VEPH1: variants seen among roughly 807,000 people sequenced by gnomAD.
The protein encoded by VEPH1 is ventricular zone expressed PH domain containing 1.
VEPH1 carries 80 observed loss-of-function variants against 85.2 expected under a neutral mutation model. The observed-to-expected ratio is 0.94, with a 90% CI of 0.78 to 1.13. The LOEUF is 1.13. Among genes scored for constraint, VEPH1 ranks in the 50% most tolerant of loss-of-function variants. The probability of loss-of-function intolerance (pLI) is 0.00; values close to 1 mark genes in which losing one functional copy is unlikely to be tolerated. For synonymous variants in VEPH1, 297 were observed against 348.0 expected, an observed-to-expected ratio of 0.85 and a Z score of 1.63; for missense variants, 955 against 980.5, an observed-to-expected ratio of 0.97 and a Z score of 0.35.
intron 2 of VEPH1, chr3:157,488,985 C>T: frequency 3.7e-6 from 1 of 268,146 alleles, no homozygotes; most frequent in Non-Finnish European, 8.0e-6. Context: ...CTCTTCATCA[C>T]ATGCACATAC....
intron 11 of VEPH1, among the ~76,000 whole-genome samples, chr3:157,308,877 T>C (rs1462597280): frequency 6.6e-6 from 1 of 152,158 alleles, no homozygotes; most frequent in Non-Finnish European, 1.5e-5. Context: ...GTCTATCTCA[T>C]AGTGTTGTCA....
chr3:157,457,044 T>C (rs1217298989), intron 4 of VEPH1, among the ~76,000 whole-genome samples: 1 of 152,210 alleles, frequency 6.6e-6, no homozygotes, highest in Non-Finnish European at 1.5e-5. Context: ...CATCTCTGAC[T>C]TCTTTGAGGA....
chr3:157,404,898 G>A (rs192603752), intron 6 of VEPH1, among the ~76,000 whole-genome samples: 2 of 152,290 alleles, frequency 1.3e-5, no homozygotes, highest in East Asian at 1.9e-4. Context: ...CAACTGCTTC[G>A]TCCTCTTCAA....
chr3:157,464,135 T>TC (rs1250022421), intron 3 of VEPH1, among the ~76,000 whole-genome samples: 41 of 152,192 alleles, frequency 2.7e-4, no homozygotes, highest in Non-Finnish European at 2.9e-5. Context: ...CTGTCCCTGC[T>TC]CCCTTGACTT....
At chr3:157,357,113 T>A (rs981041976) in intron 9 of VEPH1, among the ~76,000 whole-genome samples, 5 of 152,204 alleles carry the variant, frequency 3.3e-5, no homozygotes, top group African/African-American at 1.2e-4. Flanking sequence ...CCACATCTCC[T>A]CATTTTTCTT....
At chr3:157,365,913 T>C (rs1726631681) in intron 7 of VEPH1, among the ~76,000 whole-genome samples, 3 of 152,310 alleles carry the variant, frequency 2.0e-5, no homozygotes, top group Admixed American at 2.0e-4. Context: ...GATTAAATGA[T>C]TACCATTGGC....
At chr3:157,439,773 C>T (rs981243926) in intron 4 of VEPH1, among the ~76,000 whole-genome samples, 3 of 152,094 alleles carry the variant, frequency 2.0e-5, no homozygotes, top group Non-Finnish European at 2.9e-5. Context: ...TTCTTTGAGA[C>T]GGAATCTCGC....
intron 11 of VEPH1, among the ~76,000 whole-genome samples, chr3:157,302,866 G>T (rs1276206737): frequency 6.6e-6 from 1 of 152,136 alleles, no homozygotes; most frequent in African/African-American, 2.4e-5. Flanking sequence ...CTGTGAAAGG[G>T]GAGTGTGCTC....
intron 9 of VEPH1, among the ~76,000 whole-genome samples, chr3:157,329,769 A>G (rs532780729): frequency 6.6e-6 from 1 of 152,226 alleles, no homozygotes; most frequent in Non-Finnish European, 1.5e-5. Flanking sequence ...AGCTGGTTAT[A>G]TATTTTGTCC....
Position 157,376,122 on chromosome 3 carries a change from T to C in VEPH1, c.1127+5034A>G, listed in dbSNP as rs541670620. The stretch of plus-strand genomic sequence containing the variant: ...TCTGCTTTTTGCCATCATCATCCTC[T>C]CTCCCTATCTTTTCTCATTTGTCAT... On this transcript the variant is annotated intron_variant, in intron 7 of 13. Transcript: ENST00000362010. 3.3e-5 allele frequency among the ~76,000 whole-genome samples: 5 copies of C among 152,168 alleles called. No individual in the cohort carries two copies. The East Asian group carries it at 9.7e-4, about 29-fold the overall frequency.
In VEPH1 at chr3:157,417,626, C is replaced by T. The variant is rs568099908; in HGVS notation, c.697-3536G>A. On this transcript the variant is annotated intron_variant, in intron 5 of 13. Coordinates refer to ENST00000362010, the MANE Select transcript of VEPH1 (RefSeq NM_001167912.2). Reference sequence around the variant, plus strand: ...TATCTGCAGACTCTTCCCCCATGACCCAGCTACATGGCACTGATCACTCAC... The same window carrying T: ...TATCTGCAGACTCTTCCCCCATGACTCAGCTACATGGCACTGATCACTCAC... Among the ~76,000 whole-genome samples, 7 of 152,258 alleles carry T rather than the reference C, an allele frequency of 4.6e-5. No individual in the cohort carries two copies. In the East Asian group the frequency reaches 1.4e-3, roughly 29 times the overall value.
intron 4 of VEPH1, chr3:157,437,644 C>G (rs1032434009): frequency 6.5e-7 from 1 of 1,549,314 alleles, no homozygotes; most frequent in Admixed American, 1.9e-5. Context: ...GCTGCAGAGG[C>G]TGCGGGAGGA....
At chr3:157,287,608 A>G (rs992804298) in intron 11 of VEPH1, among the ~76,000 whole-genome samples, 3 of 151,920 alleles carry the variant, frequency 2.0e-5, no homozygotes, top group African/African-American at 7.3e-5. Context: ...TCTGTTGTCC[A>G]GGTTGGAGTG....
rs533868476 is a variant in VEPH1, at chr3:157,479,743, C to G, written c.139-9214G>C. Among the ~76,000 whole-genome samples the G allele has an allele frequency of 1.3e-5, 2 of 152,310 alleles. 1 individual carries two copies. The highest frequency in any genetic ancestry group is 4.1e-4 in the South Asian group (2 of 4,828). On this transcript the variant is annotated intron_variant, in intron 2 of 13. Coordinates refer to ENST00000362010, the MANE Select transcript of VEPH1 (RefSeq NM_001167912.2). Reference sequence around the variant, plus strand: ...CAGCTCTTCACAGGCAATCACTCATCTCTCTAAGCCTCTGTTTCCTAATTT... The same window carrying G: ...CAGCTCTTCACAGGCAATCACTCATGTCTCTAAGCCTCTGTTTCCTAATTT...
intron 9 of VEPH1, among the ~76,000 whole-genome samples, chr3:157,342,341 C>A (rs1198907432): frequency 5.3e-5 from 8 of 151,954 alleles, no homozygotes; most frequent in Admixed American, 4.6e-4. Flanking sequence ...ATCTACCAAG[C>A]AAATGGAAAA....
intron 9 of VEPH1, among the ~76,000 whole-genome samples, chr3:157,360,108 G>A (rs1725881137): frequency 6.6e-6 from 1 of 152,130 alleles, no homozygotes; most frequent in South Asian, 2.1e-4. Context: ...AAGATTTTAA[G>A]GAAAGAAAGG....
rs763900534 is a variant in VEPH1, at chr3:157,261,240, A to C, written c.2396T>G (p.Phe799Cys). 1 of 1,613,730 alleles carries C rather than the reference A, an allele frequency of 6.2e-7. No individual in the cohort carries two copies. Among genetic ancestry groups the C allele is most frequent in the Admixed American group, 1.7e-5 (1 of 59,960 alleles). The change falls in exon 14 of 14, where the codon TTT becomes TGT. Residue 799 changes from phenylalanine (F) to cysteine (C), a missense_variant. By Grantham distance (205) the Phe-to-Cys change is radical (BLOSUM62 -2). Coordinates refer to ENST00000362010, the MANE Select transcript of VEPH1 (RefSeq NM_001167912.2). ...EIFTDNKTYV[F>C]KAKDEKNAEE... ...TGCATTCTTCTCATCCTTGGCCTTA[A>C]AGACATAGGTTTTATTGTCTGTGAA... is the stretch of plus-strand genomic sequence containing the variant.
At chr3:157,436,634 T>C (rs947843028) in intron 4 of VEPH1, among the ~76,000 whole-genome samples, 2 of 152,112 alleles carry the variant, frequency 1.3e-5, no homozygotes, top group African/African-American at 2.4e-5. Context: ...TTCTCTCCTC[T>C]TTCCCCTCTG....
At chr3:157,469,972 T>G (rs1219562264) in intron 3 of VEPH1, among the ~76,000 whole-genome samples, 1 of 152,176 alleles carries the variant, frequency 6.6e-6, no homozygotes, top group Non-Finnish European at 1.5e-5. Flanking sequence ...GTGTTCTCCT[T>G]GGATGAAAGA....
Sources: gnomAD v4.1 joint callset for allele counts (sites outside exome capture counted in the v4.1 genomes callset) on GRCh38, gnomAD v4.1.1 for gene constraint, MANE v1.5 for transcripts, NCBI Gene and HGNC (gene_info 2026-07-23, HGNC 2026-07-21) for gene names.